The following EIPR1 variants were observed in gnomAD, a reference collection of about 807,000 sequenced individuals.
The protein encoded by EIPR1 is EARP and GARP complex-interacting protein 1.
Under a neutral mutation model 48.1 loss-of-function variants are expected in EIPR1, and 25 were observed. That is an observed-to-expected ratio of 0.52 (90% CI 0.38 to 0.73). EIPR1 has a LOEUF of 0.73. Ranked by LOEUF, EIPR1 falls within the 30% of genes least tolerant of loss-of-function variation. The pLI, the probability that EIPR1 is intolerant of heterozygous loss-of-function variation, is 0.00. For missense variants in EIPR1, 415 were observed against 506.2 expected, an observed-to-expected ratio of 0.82 and a Z score of 1.73; for synonymous variants, 204 against 201.9, an observed-to-expected ratio of 1.01 and a Z score of -0.09.
chr2:3,317,261 T>G (rs934687825), intron 3 of EIPR1, among the ~76,000 whole-genome samples: 1 of 147,198 alleles, frequency 6.8e-6, no homozygotes, highest in Non-Finnish European at 1.5e-5. Flanking sequence ...CTGTGCGCCT[T>G]GCATGCCGGG....
intron 2 of EIPR1, among the ~76,000 whole-genome samples, chr2:3,352,966 T>C (rs565258029): frequency 6.6e-6 from 1 of 152,326 alleles, no homozygotes; most frequent in Admixed American, 6.5e-5. Flanking sequence ...CATTGCACTC[T>C]AGCCTGGGCA....
intron 5 of EIPR1, among the ~76,000 whole-genome samples, chr2:3,210,558 G>C (rs1468928370): frequency 1.3e-5 from 2 of 151,870 alleles, no homozygotes; most frequent in Non-Finnish European, 2.9e-5. Context: ...CCGCAGGCGA[G>C]TCGAGGAGGT....
intron 3 of EIPR1, among the ~76,000 whole-genome samples, chr2:3,282,216 G>A (rs941668383): frequency 5.3e-4 from 81 of 152,310 alleles, no homozygotes; most frequent in African/African-American, 1.6e-3. Context: ...CACCAGCCCC[G>A]GGCCACCGTC....
chr2:3,241,546 T>C (rs536213660), intron 4 of EIPR1, among the ~76,000 whole-genome samples: 10 of 152,342 alleles, frequency 6.6e-5, no homozygotes, highest in African/African-American at 2.4e-4. Flanking sequence ...CAATACTCGC[T>C]ACTCCAAACT....
At chr2:3,203,743 G>A (rs868594245) in intron 5 of EIPR1, among the ~76,000 whole-genome samples, 29 of 152,230 alleles carry the variant, frequency 1.9e-4, no homozygotes, top group African/African-American at 6.3e-4. Flanking sequence ...GTCCCTCAGC[G>A]GATTAGATGA....
rs551955153 is a variant in EIPR1 at position 3,376,551 on chromosome 2, C to T, written c.42+1097G>A. On this transcript the variant is annotated intron_variant, in intron 1 of 8. Coordinates refer to ENST00000382125, the MANE Select transcript of EIPR1 (RefSeq NM_003310.5). ...ACTAAAAATACAAAAATTAGTCGGG[C>T]GTGGTGGCGGGTGCCTGTAATCCCA... 1.4e-3 allele frequency among the ~76,000 whole-genome samples: 217 copies of T among 152,050 alleles called. 1 individual carries two copies. The South Asian group carries it at 0.021, about 15-fold the overall frequency.
chr2:3,321,854 A>G lies in EIPR1; in HGVS notation c.259+16163T>C, dbSNP rs375995718. ...GGCACATCAGACATCACTCCCAGTG[A>G]ACAGAAGGCACAGACGCTGCCTCAT... On this transcript the variant is annotated intron_variant, in intron 3 of 8. Transcript: ENST00000382125. Among the ~76,000 whole-genome samples the G allele has an allele frequency of 1.2e-4, 18 of 152,312 alleles. No homozygotes were observed. The South Asian group carries it at 3.5e-3, about 30-fold the overall frequency.
chr2:3,234,421 C>T (rs933582108), intron 4 of EIPR1, among the ~76,000 whole-genome samples: 6 of 152,192 alleles, frequency 3.9e-5, no homozygotes, highest in East Asian at 1.9e-4. Context: ...AGGAGTTCTC[C>T]GTGTCGGCTG....
chr2:3,202,152 TGGTCTC>T (rs1665065055), intron 5 of EIPR1, among the ~76,000 whole-genome samples: 2 of 152,180 alleles, frequency 1.3e-5, no homozygotes, highest in Non-Finnish European at 2.9e-5. Context: ...TTAGCCAGGA[TGGTCTC>T]GATCTTCTGA....
chr2:3,301,990 G>A (rs1044192650), intron 3 of EIPR1, among the ~76,000 whole-genome samples: 1 of 152,192 alleles, frequency 6.6e-6, no homozygotes, highest in African/African-American at 2.4e-5. Context: ...GGCTCTGAAG[G>A]CGGAGAGACT....
chr2:3,370,223 C>A (rs975598974), intron 1 of EIPR1, among the ~76,000 whole-genome samples: 28 of 152,240 alleles, frequency 1.8e-4, no homozygotes, highest in African/African-American at 6.5e-4. Flanking sequence ...GACATCCAAC[C>A]AAAAACCCAT....
chr2:3,279,672 T>C (rs1330665398), intron 3 of EIPR1, among the ~76,000 whole-genome samples: 3 of 152,222 alleles, frequency 2.0e-5, no homozygotes, highest in Non-Finnish European at 4.4e-5. Flanking sequence ...AAAGAAGGTA[T>C]GGAATGGTGA....
intron 1 of EIPR1, among the ~76,000 whole-genome samples, chr2:3,368,097 T>C (rs55893961): frequency 0.071 from 10,742 of 152,126 alleles, 384 homozygotes; most frequent in African/African-American, 0.09. Flanking sequence ...TCAAAAGTCT[T>C]TCCTCACTTG....
chr2:3,269,603 G>A (rs111599799), intron 3 of EIPR1, among the ~76,000 whole-genome samples: 4,297 of 40,080 alleles, frequency 0.11, 627 homozygotes, highest in African/African-American at 0.25. Context: ...GCACTCAATC[G>A]CACTCAATCA....
chr2:3,216,433 C>T (rs763057627), intron 4 of EIPR1, among the ~76,000 whole-genome samples: 35 of 152,174 alleles, frequency 2.3e-4, no homozygotes, highest in Non-Finnish European at 3.1e-4. Context: ...ACGCAGTGTA[C>T]GTCAGCACCA....
chr2:3,305,551 G>A (rs184800814), intron 3 of EIPR1, among the ~76,000 whole-genome samples: 1 of 151,846 alleles, frequency 6.6e-6, no homozygotes, highest in African/African-American at 2.4e-5. Flanking sequence ...CTCCACTGCC[G>A]TCCAGTTCAG....
chr2:3,320,802 A>G (rs1460321035), intron 3 of EIPR1, among the ~76,000 whole-genome samples: 2 of 152,212 alleles, frequency 1.3e-5, no homozygotes, highest in Non-Finnish European at 2.9e-5. Context: ...GATACACTCA[A>G]CTTCAGACCT....
intron 3 of EIPR1, among the ~76,000 whole-genome samples, chr2:3,287,893 G>A (rs1668252728): frequency 6.6e-6 from 1 of 152,246 alleles, no homozygotes; most frequent in African/African-American, 2.4e-5. Context: ...CATTCGGCAT[G>A]CTGTAGCCCC....
chr2:3,367,962 G>A (rs1050798179), intron 1 of EIPR1, among the ~76,000 whole-genome samples: 6 of 152,050 alleles, frequency 3.9e-5, no homozygotes, highest in Admixed American at 2.6e-4. Context: ...GGAGAATGGC[G>A]TGAACCCGGG....
Sources: allele counts gnomAD v4.1 joint callset (sites outside exome capture counted in the v4.1 genomes callset), GRCh38; gene constraint gnomAD v4.1.1; transcripts MANE v1.5; gene names NCBI Gene and HGNC (gene_info 2026-07-23, HGNC 2026-07-21).